PCDH15: variants seen among roughly 807,000 people sequenced by gnomAD.
The protein encoded by PCDH15 is protocadherin-15.
PCDH15 carries 129 observed loss-of-function variants against 178.5 expected under a neutral mutation model. The ratio of observed to expected loss-of-function variants is 0.72; its 90% CI spans 0.63 to 0.84. The LOEUF is 0.84. PCDH15 is among the 40% of genes least tolerant of loss of function. The probability of loss-of-function intolerance (pLI) is 0.00; values close to 1 mark genes in which losing one functional copy is unlikely to be tolerated. For missense variants in PCDH15, 2,230 were observed against 2,099.9 expected, an observed-to-expected ratio of 1.06 and a Z score of -1.21; for synonymous variants, 800 against 732.0, an observed-to-expected ratio of 1.09 and a Z score of -1.50.
chr10:55,574,849 T>C (rs1337282604), intron 2 of PCDH15, among the ~76,000 whole-genome samples: 1 of 152,068 alleles, frequency 6.6e-6, no homozygotes, highest in African/African-American at 2.4e-5. Flanking sequence ...TTTATCTATC[T>C]TCTTATTGTT....
chr10:54,328,861 T>C (rs1014252150), intron 7 of PCDH15, among the ~76,000 whole-genome samples: 1 of 151,882 alleles, frequency 6.6e-6, no homozygotes, highest in Non-Finnish European at 1.5e-5. Flanking sequence ...AAACCAAACA[T>C]TGAGCTGCAT....
chr10:54,835,879 G>A (rs1005346583), intron 3 of PCDH15, among the ~76,000 whole-genome samples: 4 of 151,832 alleles, frequency 2.6e-5, no homozygotes, highest in South Asian at 2.1e-4. Flanking sequence ...AGAAAGATAC[G>A]GTATTTTTTT....
chr10:54,125,898 AAAT>A (rs2041949817), intron 15 of PCDH15, among the ~76,000 whole-genome samples: 1 of 152,060 alleles, frequency 6.6e-6, no homozygotes, highest in Non-Finnish European at 1.5e-5. Flanking sequence ...ATAGCTAGTA[AAAT>A]AATAAAGTGG....
chr10:55,441,893 G>T (rs2132069589), intron 2 of PCDH15, among the ~76,000 whole-genome samples: 1 of 152,250 alleles, frequency 6.6e-6, no homozygotes, highest in African/African-American at 2.4e-5. Flanking sequence ...GAGGCTGAGA[G>T]AAGTTGGGCA....
rs1841023294 is a variant in PCDH15 at position 53,804,128 on chromosome 10, C to A, written c.*2451G>T. The A allele has an allele frequency of 6.6e-6, 1 of 151,872 alleles. No individual in the cohort carries two copies. The highest frequency in any genetic ancestry group is 2.4e-5 in the African/African-American group (1 of 41,396). 9.4% of individuals were successfully genotyped at this position (151,872 alleles called of 1,614,324 possible). A position where few individuals can be genotyped will look rare whatever the true frequency, so the allele number is the denominator to read the frequency against. ...TCTACGTTACCCAAAAATATACTGA[C>A]CAAATATTTGGTTTGGTTGCTCTGT... On this transcript the variant is annotated 3_prime_UTR_variant, in exon 38 of 38. Coordinates refer to ENST00000644397, the MANE Select transcript of PCDH15 (RefSeq NM_001384140.1).
chr10:54,452,796 C>T (rs1194534738), intron 3 of PCDH15, among the ~76,000 whole-genome samples: 10 of 152,028 alleles, frequency 6.6e-5, no homozygotes, highest in Admixed American at 1.3e-4. Context: ...AGAAAAGAGA[C>T]TAGACTGGAG....
intron 2 of PCDH15, among the ~76,000 whole-genome samples, chr10:54,902,496 T>C (rs1301877728): frequency 6.6e-6 from 1 of 152,168 alleles, no homozygotes; most frequent in African/African-American, 2.4e-5. Context: ...TAAGAGATGC[T>C]TGCTTCCCCT....
At chr10:55,248,964 A>G (rs1477632042) in intron 1 of PCDH15, among the ~76,000 whole-genome samples, 1 of 152,222 alleles carries the variant, frequency 6.6e-6, no homozygotes, top group Non-Finnish European at 1.5e-5. Context: ...TGGATGAGGG[A>G]GAGTCTAGTA....
intron 2 of PCDH15, among the ~76,000 whole-genome samples, chr10:55,006,856 G>C (rs145183231): frequency 3.9e-5 from 6 of 152,212 alleles, no homozygotes; most frequent in African/African-American, 1.4e-4. Context: ...CTCCCTTTGG[G>C]AACAGGACTG....
intron 2 of PCDH15, among the ~76,000 whole-genome samples, chr10:55,095,373 T>C (rs1228126326): frequency 6.6e-6 from 1 of 152,080 alleles, no homozygotes. Context: ...AGGAAAAGTT[T>C]CAATATCCAA....
chr10:55,058,911 G>C (rs1203473989), intron 2 of PCDH15, among the ~76,000 whole-genome samples: 3 of 152,142 alleles, frequency 2.0e-5, no homozygotes, highest in African/African-American at 4.8e-5. Context: ...TTGATTCCCA[G>C]AGTAGCTTGT....
At chr10:54,706,727 G>A (rs113858185) in intron 1 of PCDH15, among the ~76,000 whole-genome samples, 2,927 of 152,170 alleles carry the variant, frequency 0.019, 87 homozygotes, top group African/African-American at 0.065. Context: ...AGGTTCAAAC[G>A]ATCCTCGTGC....
chr10:55,269,702 C>A (rs1156768836), intron 1 of PCDH15, among the ~76,000 whole-genome samples: 4 of 152,060 alleles, frequency 2.6e-5, no homozygotes, highest in Non-Finnish European at 5.9e-5. Flanking sequence ...AATGGCCATA[C>A]TGTCCAAAGT....
chr10:55,433,574 A>C (rs1838944171), intron 2 of PCDH15, among the ~76,000 whole-genome samples: 1 of 152,188 alleles, frequency 6.6e-6, no homozygotes, highest in African/African-American at 2.4e-5. Flanking sequence ...ACCTAAAATA[A>C]AAGTTAAAAA....
intron 2 of PCDH15, among the ~76,000 whole-genome samples, chr10:54,942,581 T>C (rs1838092404): frequency 6.6e-6 from 1 of 152,072 alleles, no homozygotes; most frequent in Admixed American, 6.6e-5. Flanking sequence ...ATGCCTTAGT[T>C]GTATTTTTCA....
At chr10:55,392,203 A>G (rs1045014587) in intron 2 of PCDH15, among the ~76,000 whole-genome samples, 6 of 152,212 alleles carry the variant, frequency 3.9e-5, no homozygotes, top group Admixed American at 1.3e-4. Flanking sequence ...AAAGTTTGAA[A>G]TACTGCAAGA....
At chr10:54,597,628 A>G (rs1187669871) in intron 2 of PCDH15, among the ~76,000 whole-genome samples, 5 of 152,118 alleles carry the variant, frequency 3.3e-5, no homozygotes, top group Non-Finnish European at 7.4e-5. Flanking sequence ...GATAAAAAAT[A>G]CACCAAATCA....
intron 13 of PCDH15, among the ~76,000 whole-genome samples, chr10:54,170,935 C>G (rs112795607): frequency 6.6e-6 from 1 of 152,120 alleles, no homozygotes; most frequent in African/African-American, 2.4e-5. Flanking sequence ...CCTCCCTTCC[C>G]TACACATCAA....
At chr10:54,225,954 G>T (rs2053395281) in intron 9 of PCDH15, among the ~76,000 whole-genome samples, 1 of 152,156 alleles carries the variant, frequency 6.6e-6, no homozygotes, top group Non-Finnish European at 1.5e-5. Flanking sequence ...AAGCAGCAGT[G>T]TATTATTCAG....
Sources: allele counts gnomAD v4.1 joint callset (sites outside exome capture counted in the v4.1 genomes callset), GRCh38; gene constraint gnomAD v4.1.1; transcripts MANE v1.5; gene names NCBI Gene and HGNC (gene_info 2026-07-23, HGNC 2026-07-21).